Variants in ZFHX3 observed in about 807,000 individuals in gnomAD.
ZFHX3 encodes zinc finger homeobox protein 3.
Under a neutral mutation model 279.1 loss-of-function variants are expected in ZFHX3, and 42 were observed. That is an observed-to-expected ratio of 0.15 (90% confidence interval 0.12 to 0.19). The LOEUF is 0.19. Ranked by LOEUF, ZFHX3 falls within the 10% of genes least tolerant of loss-of-function variation. ZFHX3 has a pLI of 1.00. For missense variants in ZFHX3, 4,981 were observed against 4,754.0 expected (o/e 1.05, Z -1.40); for synonymous variants, 2,293 against 1,957.8 (o/e 1.17, Z -4.52).
At chr16:73,741,785 T>C (rs755536684) in intron 1 of ZFHX3, among the ~76,000 whole-genome samples, 24 of 152,048 alleles carry the variant, frequency 1.6e-4, no homozygotes, top group Non-Finnish European at 3.2e-4. Flanking sequence ...AATTGGAAAC[T>C]AGGAGGGAGA....
rs770965556 is a variant in ZFHX3 at position 72,788,463 on chromosome 16, C to A, written c.9813G>T (p.Thr3271=). ...KGEAPTATAA[T]ISAPLPTMEY... is the part of the protein sequence containing the mutation. ...CCATGGTGGGCAGCGGGGCTGAGAT[C>A]GTGGCTGCAGTTGCCGTGGGGGCCT... The change falls in exon 10 of 10, where the codon ACG becomes ACT. Residue 3271 remains threonine, a synonymous_variant. Coordinates refer to ENST00000268489, the MANE Select transcript of ZFHX3 (RefSeq NM_006885.4). The A allele has an allele frequency of 4.3e-6, 7 of 1,614,244 alleles. 1 individual carries two copies. Among genetic ancestry groups the A allele is most frequent in the Non-Finnish European group, 5.9e-6 (7 of 1,180,038 alleles).
At chr16:72,916,437 C>T (rs2039444746) in intron 3 of ZFHX3, among the ~76,000 whole-genome samples, 1 of 152,130 alleles carries the variant, frequency 6.6e-6, no homozygotes, top group Non-Finnish European at 1.5e-5. Context: ...TATAATTATC[C>T]AGGTGGACCT....
intron 2 of ZFHX3, among the ~76,000 whole-genome samples, chr16:73,480,982 T>C (rs945035319): frequency 6.6e-6 from 1 of 152,178 alleles, no homozygotes; most frequent in African/African-American, 2.4e-5. Context: ...CGTCAAGGAC[T>C]CGGTCTCGGC....
intron 5 of ZFHX3, among the ~76,000 whole-genome samples, chr16:73,246,554 T>TAA (rs1159271192): frequency 2.0e-5 from 3 of 152,158 alleles, no homozygotes; most frequent in Admixed American, 2.0e-4. Flanking sequence ...CATAGCCTCA[T>TAA]AATGAAGGGG....
chr16:72,861,340 C>A (rs908315689), intron 4 of ZFHX3, among the ~76,000 whole-genome samples: 9 of 152,214 alleles, frequency 5.9e-5, no homozygotes, highest in African/African-American at 2.2e-4. Flanking sequence ...GTGAACCCAA[C>A]CCCCAGGATG....
intron 7 of ZFHX3, among the ~76,000 whole-genome samples, chr16:73,095,216 C>A (rs912970816): frequency 6.6e-6 from 1 of 152,050 alleles, no homozygotes; most frequent in African/African-American, 2.4e-5. Flanking sequence ...TGAGCCACTG[C>A]GCCTGGCTCT....
intron 4 of ZFHX3, among the ~76,000 whole-genome samples, chr16:72,842,785 C>G (rs1400204200): frequency 6.6e-6 from 1 of 151,990 alleles, no homozygotes; most frequent in Non-Finnish European, 1.5e-5. Flanking sequence ...GTTGACTCAA[C>G]TACTAAAGAA....
At chr16:73,673,576 C>A (rs996556224) in intron 2 of ZFHX3, among the ~76,000 whole-genome samples, 5 of 124,944 alleles carry the variant, frequency 4.0e-5, no homozygotes, top group African/African-American at 1.3e-4. Context: ...TAGGCAAGAA[C>A]TATTTCATGA....
chr16:72,894,148 CAAAAAA>C (rs11340955), intron 3 of ZFHX3, among the ~76,000 whole-genome samples: 1 of 124,818 alleles, frequency 8.0e-6, no homozygotes. Context: ...AACTCTGTCT[CAAAAAA>C]AAAAAAAAAA....
chr16:73,837,918 G>C (rs1013910189), intron 1 of ZFHX3, among the ~76,000 whole-genome samples: 3 of 152,178 alleles, frequency 2.0e-5, no homozygotes, highest in South Asian at 4.1e-4. Context: ...TTACAGGTTT[G>C]AGCCACCGCA....
chr16:72,853,517 GAT>G (rs913003005), intron 4 of ZFHX3, among the ~76,000 whole-genome samples: 7 of 152,200 alleles, frequency 4.6e-5, no homozygotes, highest in Non-Finnish European at 1.5e-5. Context: ...ACTGGAGATC[GAT>G]GCTGCATTTT....
Position 72,795,167 on chromosome 16 carries a change from G to A in ZFHX3, c.7515C>T (p.Ser2505=). Residue 2505 remains serine (S), a synonymous_variant, in exon 9 of 10, where the codon TCC becomes TCT. Coordinates refer to ENST00000268489, the MANE Select transcript of ZFHX3 (RefSeq NM_006885.4). The part of the protein sequence containing the change: ...PQSSPSPSQL[S]HLPLKPLHTS... ...TGTGGAGGGGCTTGAGGGGCAGGTG[G>A]GAGAGCTGGGAAGGACTGGGGCTCG... 2 of 1,610,948 alleles carry A rather than the reference G, an allele frequency of 1.2e-6. No individual in the cohort carries two copies. Among genetic ancestry groups the A allele is most frequent in the Non-Finnish European group, 1.7e-6 (2 of 1,178,188 alleles).
intron 2 of ZFHX3, among the ~76,000 whole-genome samples, chr16:73,539,022 T>C (rs894989547): frequency 6.6e-6 from 1 of 152,148 alleles, no homozygotes; most frequent in Non-Finnish European, 1.5e-5. Flanking sequence ...GCAGGTATGA[T>C]CCAGAGAGGG....
chr16:72,835,079 A>G (rs1393434206), intron 4 of ZFHX3, among the ~76,000 whole-genome samples: 1 of 152,096 alleles, frequency 6.6e-6, no homozygotes, highest in Non-Finnish European at 1.5e-5. Context: ...TCACATGATC[A>G]TGTTACTTAA....
chr16:73,811,996 A>T (rs80030035), intron 1 of ZFHX3, among the ~76,000 whole-genome samples: 1,992 of 152,284 alleles, frequency 0.013, 50 homozygotes, highest in African/African-American at 0.046. Context: ...ATTTGTGGAT[A>T]AGAAAACAGA....
intron 3 of ZFHX3, among the ~76,000 whole-genome samples, chr16:73,428,072 T>C (rs557847059): frequency 6.6e-6 from 1 of 151,834 alleles, no homozygotes; most frequent in Non-Finnish European, 1.5e-5. Context: ...ATTTGGGAGG[T>C]CTACTAAGCC....
intron 2 of ZFHX3, among the ~76,000 whole-genome samples, chr16:73,669,522 T>C (rs2052880888): frequency 6.6e-6 from 1 of 152,082 alleles, no homozygotes; most frequent in African/African-American, 2.4e-5. Context: ...GTTTTTAAGA[T>C]AAAAAGGGGT....
At chr16:73,558,283 G>T (rs150544643) in intron 2 of ZFHX3, 1 of 152,144 alleles carries the variant, frequency 6.6e-6, no homozygotes, top group African/African-American at 2.4e-5. Context: ...TGAATAACAG[G>T]TTTTTTCAAG....
intron 5 of ZFHX3, among the ~76,000 whole-genome samples, chr16:73,254,656 G>A (rs12919367): frequency 0.7 from 106,795 of 151,888 alleles, 38,397 homozygotes; most frequent in South Asian, 0.89. Context: ...TGACATCGAT[G>A]TAATATTCAC....
Sources: allele counts gnomAD v4.1 joint callset (sites outside exome capture counted in the v4.1 genomes callset), GRCh38; gene constraint gnomAD v4.1.1; transcripts MANE v1.5; gene names NCBI Gene and HGNC (gene_info 2026-07-23, HGNC 2026-07-21).